Variants in NAV3 observed in about 807,000 individuals in gnomAD.
The protein encoded by NAV3 is neuron navigator 3.
NAV3 carries 87 observed loss-of-function variants against 244.7 expected under a neutral mutation model. The observed-to-expected ratio is 0.36, with a 90% CI of 0.30 to 0.42. NAV3 has a LOEUF of 0.42. Among genes scored for constraint, NAV3 ranks in the 20% least tolerant of loss-of-function variants. The pLI is 1.00. For missense variants in NAV3, 2,663 were observed against 2,893.3 expected (o/e 0.92, Z 1.83); for synonymous variants, 1,126 against 1,042.2 (o/e 1.08, Z -1.55).
intron 12 of NAV3, among the ~76,000 whole-genome samples, chr12:78,062,043 C>T (rs1884402071): frequency 6.6e-6 from 1 of 152,080 alleles, no homozygotes; most frequent in Non-Finnish European, 1.5e-5. Flanking sequence ...AGATTATTTT[C>T]AAAGCATATC....
chr12:78,176,971 A>G (rs938993577), intron 26 of NAV3, among the ~76,000 whole-genome samples, 170 bp from the exon 27 acceptor site: 2 of 152,054 alleles, frequency 1.3e-5, no homozygotes, highest in Non-Finnish European at 2.9e-5. Context: ...TGAACACACA[A>G]AACACGGTAT....
intron 2 of NAV3, among the ~76,000 whole-genome samples, chr12:77,747,445 C>T (rs951823767): frequency 6.6e-6 from 1 of 152,162 alleles, no homozygotes; most frequent in Non-Finnish European, 1.5e-5. Flanking sequence ...GGACTGTAAA[C>T]TAGTTCAACC....
chr12:78,171,309 A>G (rs1433089191), intron 24 of NAV3, among the ~76,000 whole-genome samples: 1 of 151,680 alleles, frequency 6.6e-6, no homozygotes, highest in East Asian at 1.9e-4. Context: ...GGGATTTAAA[A>G]AGCCTTAATC....
chr12:77,711,701 C>T (rs1468512001), intron 2 of NAV3, among the ~76,000 whole-genome samples: 1 of 152,148 alleles, frequency 6.6e-6, no homozygotes, highest in Non-Finnish European at 1.5e-5. Flanking sequence ...GGGAGGTGGG[C>T]ACCCACAGAC....
chr12:77,615,457 T>TA (rs1174167682), intron 2 of NAV3, among the ~76,000 whole-genome samples: 2 of 152,126 alleles, frequency 1.3e-5, no homozygotes, highest in African/African-American at 4.8e-5. Context: ...CTTACAAGTG[T>TA]AGGCATGCAG....
At chr12:77,579,879 C>G (rs1323742644) in intron 2 of NAV3, among the ~76,000 whole-genome samples, 4 of 152,200 alleles carry the variant, frequency 2.6e-5, no homozygotes, top group Admixed American at 2.6e-4. Flanking sequence ...CAACTTCTGT[C>G]TTCCTCCAGT....
intron 9 of NAV3, among the ~76,000 whole-genome samples, chr12:78,024,122 C>T (rs1314776470): frequency 1.3e-5 from 2 of 152,128 alleles, no homozygotes; most frequent in Non-Finnish European, 2.9e-5. Context: ...CACTTTTTAC[C>T]GTTCTTCACC....
intron 3 of NAV3, among the ~76,000 whole-genome samples, chr12:77,949,904 G>T (rs1198494039): frequency 6.6e-6 from 1 of 151,928 alleles, no homozygotes; most frequent in East Asian, 1.9e-4. Context: ...TTATATTGTT[G>T]GAGTCATACA....
At chr12:77,848,475 A>G (rs1876986333) in intron 1 of NAV3, among the ~76,000 whole-genome samples, 1 of 152,228 alleles carries the variant, frequency 6.6e-6, no homozygotes, top group African/African-American at 2.4e-5. Flanking sequence ...GTAACTTCTA[A>G]GGCTTGCCCA....
At chr12:78,203,656 A>G (rs1425430822) in intron 38 of NAV3, among the ~76,000 whole-genome samples, 1 of 152,072 alleles carries the variant, frequency 6.6e-6, no homozygotes, top group Non-Finnish European at 1.5e-5. Flanking sequence ...AAACTATACA[A>G]AACAGCCATC....
At chr12:77,819,801 A>G (rs891953408) in intron 2 of NAV3, among the ~76,000 whole-genome samples, 1 of 152,120 alleles carries the variant, frequency 6.6e-6, no homozygotes, top group African/African-American at 2.4e-5. Flanking sequence ...TTACTCACCA[A>G]TTCTCATGGT....
chr12:77,739,260 A>G (rs1191223395), intron 2 of NAV3, among the ~76,000 whole-genome samples: 1 of 152,178 alleles, frequency 6.6e-6, no homozygotes, highest in African/African-American at 2.4e-5. Context: ...GCTGTTGTTT[A>G]TATCATTCTG....
chr12:77,984,822 TG>T (rs1279349834), intron 5 of NAV3, among the ~76,000 whole-genome samples: 4 of 152,110 alleles, frequency 2.6e-5, no homozygotes, highest in Non-Finnish European at 2.9e-5. Flanking sequence ...ATAGGTTTTT[TG>T]TTTTTTTTTT....
intron 2 of NAV3, among the ~76,000 whole-genome samples, chr12:77,776,810 G>C (rs762785071): frequency 6.6e-6 from 1 of 152,118 alleles, no homozygotes; most frequent in African/African-American, 2.4e-5. Context: ...GAGAAACCCC[G>C]TCTCTACTAA....
intron 15 of NAV3, among the ~76,000 whole-genome samples, chr12:78,120,979 A>G (rs1487189106): frequency 6.6e-6 from 1 of 152,220 alleles, no homozygotes; most frequent in Non-Finnish European, 1.5e-5. Context: ...TCTTTTTAAA[A>G]TACTGATTCT....
chr12:77,931,168 CT>C (rs1431568417), intron 1 of NAV3, among the ~76,000 whole-genome samples: 1 of 151,980 alleles, frequency 6.6e-6, no homozygotes, highest in African/African-American at 2.4e-5. Flanking sequence ...TATTGCTCAT[CT>C]TTTTCAATTT....
chr12:77,996,962 G>A (rs1565999718), intron 6 of NAV3, among the ~76,000 whole-genome samples: 1 of 151,916 alleles, frequency 6.6e-6, no homozygotes, highest in Non-Finnish European at 1.5e-5. Flanking sequence ...TTAGTTCTTG[G>A]CCAGACACGG....
rs1046407337 is a variant in NAV3 at position 77,749,474 on chromosome 12, T to C, written c.72+177208T>C. Among the ~76,000 whole-genome samples the C allele has an allele frequency of 2.0e-5, 3 of 152,304 alleles. No homozygotes were observed. The East Asian group carries it at 5.8e-4, about 29-fold the overall frequency. On this transcript the variant is annotated intron_variant, in intron 2 of 8. Coordinates refer to the NAV3 transcript ENST00000550042. ...GGATGGGAAAGGCCATACACAAAGT[T>C]AATCTGCTGAGTTGATGGGTTGCAT...
chr12:77,941,442 T>G (rs1431509747), intron 3 of NAV3, among the ~76,000 whole-genome samples: 2 of 152,200 alleles, frequency 1.3e-5, no homozygotes, highest in South Asian at 2.1e-4. Flanking sequence ...AGTGGATTAT[T>G]TTTGTCTGAA....
Sources: allele counts gnomAD v4.1 joint callset (sites outside exome capture counted in the v4.1 genomes callset), GRCh38; gene constraint gnomAD v4.1.1; transcripts MANE v1.5; gene names NCBI Gene and HGNC (gene_info 2026-07-23, HGNC 2026-07-21).